Variants in JPH2 observed in about 807,000 individuals in gnomAD.
JPH2 encodes the protein junctophilin-2.
Under a neutral mutation model 55.9 loss-of-function variants are expected in JPH2, and 38 were observed. The observed-to-expected ratio is 0.68, with a 90% CI of 0.52 to 0.89. The LOEUF (loss-of-function observed/expected upper bound fraction) is 0.89, where lower values mean the gene tolerates loss of function less well. Among genes scored for constraint, JPH2 ranks in the 40% least tolerant of loss-of-function variants. JPH2 has a pLI of 0.00. For synonymous variants in JPH2, 480 were observed against 472.4 expected, an observed-to-expected ratio of 1.02 and a Z score of -0.21; for missense variants, 964 against 1,037.6, an observed-to-expected ratio of 0.93 and a Z score of 0.97.
At chr20:44,158,256 G>A (rs1046370019) in intron 2 of JPH2, among the ~76,000 whole-genome samples, 1 of 152,232 alleles carries the variant, frequency 6.6e-6, no homozygotes, top group Admixed American at 6.5e-5. Flanking sequence ...TAGAGGTTAA[G>A]TGAGTGGCAA....
At position 44,115,920 on chromosome 20, in the gene JPH2, G is replaced by A. The variant is rs756767545; in HGVS notation, c.1755C>T (p.Pro585=). The change falls in exon 4 of 6, where the codon CCC becomes CCT. Residue 585 remains proline, a synonymous_variant. Coordinates refer to ENST00000372980, the MANE Select transcript of JPH2 (RefSeq NM_020433.5). ...PPEPPPFEDQ[P]EPEVSGSESA... ...ACTCGGACCCGGAGACCTCGGGCTC[G>A]GGCTGGTCCTCAAAGGGTGGGGGCT... 1 of 1,570,814 alleles carries A rather than the reference G, an allele frequency of 6.4e-7. No individual in the cohort carries two copies. The highest frequency in any genetic ancestry group is 1.1e-5 in the South Asian group (1 of 88,374).
chr20:44,167,897 G>A (rs921240414), intron 1 of JPH2, among the ~76,000 whole-genome samples: 6 of 152,288 alleles, frequency 3.9e-5, no homozygotes, highest in South Asian at 2.1e-4. Context: ...GGACATGATC[G>A]CTGCCAGCAA....
intron 3 of JPH2, 98 bp from the exon 4 acceptor site, chr20:44,116,484 C>G (rs952574922): frequency 1.6e-5 from 23 of 1,396,726 alleles, no homozygotes; most frequent in Middle Eastern, 4.1e-4. Flanking sequence ...TTCATGGGCT[C>G]AGTCGGCACT....
In JPH2 at chr20:44,159,953, G is replaced by A. The variant is rs763543500; in HGVS notation, c.834C>T (p.Pro278=). The A allele has an allele frequency of 7.5e-6, 12 of 1,606,340 alleles. No homozygotes were observed. The South Asian group carries it at 1.3e-4, about 18-fold the overall frequency. The change falls in exon 2 of 6, where the codon CCC becomes CCT. Residue 278 remains proline, a synonymous_variant. Coordinates refer to ENST00000372980, the MANE Select transcript of JPH2 (RefSeq NM_020433.5). The surrounding 1 kb of genome is among the most constrained non-coding windows in gnomAD (Gnocchi z 5.7). ...TGGTGGCGTCGATATCGGCCTCGAAGGGTGCGGCCTCGTCGGCGCCCTCGG... is the reference window on the plus strand; with the variant it reads ...TGGTGGCGTCGATATCGGCCTCGAAAGGTGCGGCCTCGTCGGCGCCCTCGG... ...EAAEGADEAA[P]FEADIDATTT...
At chr20:44,178,122 A>G in intron 1 of JPH2, 2 of 713,386 alleles carry the variant, frequency 2.8e-6, no homozygotes, top group South Asian at 1.5e-5. Context: ...CTTTAGTAAT[A>G]TCAGATTCTC....
chr20:44,177,324 A>G, intron 1 of JPH2: 3 of 986,656 alleles, frequency 3.0e-6, no homozygotes, highest in Non-Finnish European at 3.6e-6. Flanking sequence ...GAGGGTGTGG[A>G]GGGCAGGGCC....
chr20:44,148,314 C>G (rs1388022401), intron 2 of JPH2, among the ~76,000 whole-genome samples: 1 of 152,200 alleles, frequency 6.6e-6, no homozygotes, highest in Non-Finnish European at 1.5e-5. Flanking sequence ...CCATTATTAT[C>G]CCAGATCTCC....
chr20:44,136,256 G>A (rs920097965), intron 2 of JPH2, among the ~76,000 whole-genome samples: 2 of 152,194 alleles, frequency 1.3e-5, no homozygotes, highest in Admixed American at 1.3e-4. Flanking sequence ...CCTAGGAGTA[G>A]TGAACATTTC....
chr20:44,115,706 C>G lies in JPH2; in HGVS notation c.1969G>C (p.Glu657Gln). ...TCCGCCTCTGCCGCCAGTGCGGCCT[C>G]CTTCCGCGCCTTCTTCTTGGCCCCC... ...KAGAKKKARK[E>Q]AALAAEAEVE... Residue 657 changes from glutamate to glutamine, a missense_variant, in exon 4 of 6, where the codon GAG becomes CAG. Transcript: ENST00000372980. 6.2e-7 allele frequency: 1 copy of G among 1,613,420 alleles called. No individual in the cohort carries two copies.
Position 44,165,291 on chromosome 20 carries a change from G to GAA in JPH2, c.380-4886_380-4885dup, listed in dbSNP as rs34785471. On this transcript the variant is annotated intron_variant, in intron 1 of 5. Transcript: ENST00000372980. ...AATAAATTGTAAAGAAGCTTTTCAG[G>GAA]AAAAAAAAAAACAAAAAAAACAACC... Among the ~76,000 whole-genome samples, 1,378 of 144,880 alleles carry GAA rather than the reference G, an allele frequency of 9.5e-3. 14 individuals are homozygous for GAA. The highest frequency in any genetic ancestry group is 0.022 in the African/African-American group (862 of 39,486).
intron 2 of JPH2, among the ~76,000 whole-genome samples, chr20:44,148,936 G>A (rs1023017580): frequency 6.6e-6 from 1 of 151,934 alleles, no homozygotes; most frequent in Admixed American, 6.6e-5. Flanking sequence ...GTGTGGTGGT[G>A]AGCGCCCATA....
At chr20:44,169,033 C>T (rs1375928590) in intron 1 of JPH2, among the ~76,000 whole-genome samples, 1 of 152,170 alleles carries the variant, frequency 6.6e-6, no homozygotes, top group Non-Finnish European at 1.5e-5. Context: ...CTGCACACAC[C>T]AGCTCCCCTT....
At chr20:44,164,422 C>G in intron 1 of JPH2, among the ~76,000 whole-genome samples, 1 of 152,024 alleles carries the variant, frequency 6.6e-6, no homozygotes, top group East Asian at 1.9e-4. Flanking sequence ...TTCCAGGGGT[C>G]TTTTGAGGAT....
Position 44,186,598 on chromosome 20 carries a change from GC to G in JPH2, c.107del (p.Gly36AlafsTer39), listed in dbSNP as rs757958029. 6.2e-7 allele frequency: 1 copy of G among 1,613,502 alleles called. No individual in the cohort carries two copies. Among genetic ancestry groups the G allele is most frequent in the Non-Finnish European group, 8.5e-7 (1 of 1,179,990 alleles). ...CAAAGTTCCAGGAGCCAGAGTATTC[GC>G]CCTGGCCCTTGGGGCCTGTGCACAG... ...HGLCTGPKGQ[G>X]EYSGSWNFGF... On this transcript the variant is annotated frameshift_variant, in exon 1 of 6. Transcript: ENST00000372980. LOFTEE classifies it high-confidence loss of function.
In JPH2 at chr20:44,115,890, C is replaced by T; in HGVS notation, c.1785G>A (p.Ala595=). The T allele has an allele frequency of 6.3e-7, 1 of 1,578,670 alleles. No individual in the cohort carries two copies. Among genetic ancestry groups the T allele is most frequent in the African/African-American group, 1.3e-5 (1 of 74,416 alleles). The change falls in exon 4 of 6, where the codon GCG becomes GCA. Residue 595 remains alanine (A), a synonymous_variant. Transcript: ENST00000372980. The stretch of plus-strand genomic sequence containing the variant: ...GCGGGGCGGTGGCCGGGGACGAGGG[C>T]GCGGACTCGGACCCGGAGACCTCGG... The part of the protein sequence containing the change: ...PEPEVSGSES[A]PSSPATAPLQ...
intron 2 of JPH2, among the ~76,000 whole-genome samples, chr20:44,130,627 G>A (rs1029202802): frequency 6.6e-6 from 1 of 152,230 alleles, no homozygotes; most frequent in Admixed American, 6.5e-5. Flanking sequence ...GGCTTTCACT[G>A]CATGAGCTGA....
chr20:44,172,877 A>G (rs2072708647), intron 1 of JPH2, among the ~76,000 whole-genome samples: 1 of 152,150 alleles, frequency 6.6e-6, no homozygotes, highest in Non-Finnish European at 1.5e-5. Flanking sequence ...TGCAAGTGAG[A>G]ATATTTCAAT....
intron 1 of JPH2, chr20:44,176,757 G>A (rs1209245618): frequency 7.1e-6 from 4 of 566,310 alleles, no homozygotes; most frequent in Non-Finnish European, 8.9e-6. Context: ...TTGTACCATT[G>A]CACTCCAGCC....
At chr20:44,149,963 GAAAAAA>G (rs67234498) in intron 2 of JPH2, among the ~76,000 whole-genome samples, 1 of 11,458 alleles carries the variant, frequency 8.7e-5, no homozygotes, top group Non-Finnish European at 1.4e-4. Context: ...GGCGACAGAG[GAAAAAA>G]AAAAAAAAAA....
Sources: allele counts gnomAD v4.1 joint callset (sites outside exome capture counted in the v4.1 genomes callset), GRCh38; gene constraint gnomAD v4.1.1; non-coding constraint Gnocchi (gnomAD v3.1); transcripts MANE v1.5; gene names NCBI Gene and HGNC (gene_info 2026-07-23, HGNC 2026-07-21).